XRCC2: variants seen among roughly 807,000 people sequenced by gnomAD.
The protein encoded by XRCC2 is DNA repair protein XRCC2.
A neutral mutation model predicts 27.3 loss-of-function variants in XRCC2; 24 were observed. The ratio of observed to expected loss-of-function variants is 0.88; its 90% CI spans 0.64 to 1.24. The LOEUF (loss-of-function observed/expected upper bound fraction) is 1.24, where lower values mean the gene tolerates loss of function less well. Ranked by LOEUF, XRCC2 falls within the 50% of genes most tolerant of loss-of-function variation. XRCC2 has a pLI of 0.00. For synonymous variants in XRCC2, 106 were observed against 115.4 expected, an observed-to-expected ratio of 0.92 and a Z score of 0.52; for missense variants, 321 against 325.8, an observed-to-expected ratio of 0.99 and a Z score of 0.11.
chr7:152,660,692 A>C lies in XRCC2; in HGVS notation c.121+9T>G. The stretch of plus-strand genomic sequence containing the variant: ...TTGCATTTATTTATATAAAGGTTGT[A>C]TTTTTTACCATGCACAGGTGAATCT... On this transcript the variant is annotated intron_variant, in intron 2 of 2. Transcript: ENST00000359321. The C allele has an allele frequency of 6.2e-7, 1 of 1,601,634 alleles. No homozygotes were observed. Among genetic ancestry groups the C allele is most frequent in the East Asian group, 2.2e-5 (1 of 44,782 alleles).
Position 152,645,596 on chromosome 7 carries a change from GC to G in XRCC2, c.*3045del, listed in dbSNP as rs1204244241. The G allele has an allele frequency of 1.3e-5, 2 of 151,836 alleles. No individual in the cohort carries two copies. Among genetic ancestry groups the G allele is most frequent in the East Asian group, 3.9e-4 (2 of 5,186 alleles). 9.4% of individuals were successfully genotyped at this position (151,836 alleles called of 1,614,324 possible). A position where few individuals can be genotyped will look rare whatever the true frequency, so the allele number is the denominator to read the frequency against. On this transcript the variant is annotated 3_prime_UTR_variant, in exon 3 of 3. Coordinates refer to ENST00000359321, the MANE Select transcript of XRCC2 (RefSeq NM_005431.2). Reference sequence around the variant, plus strand: ...TTTCTTCCATATGCCTTTTTTTCATGCTTTTTCATTTTCCTTGCTTTACTGT... The same window carrying G: ...TTTCTTCCATATGCCTTTTTTTCATGTTTTTCATTTTCCTTGCTTTACTGT...
chr7:152,654,356 G>C (rs924210400), intron 2 of XRCC2, among the ~76,000 whole-genome samples: 5 of 152,106 alleles, frequency 3.3e-5, no homozygotes, highest in Non-Finnish European at 7.3e-5. Context: ...AAATTTTTGA[G>C]ATATATCCAC....
Position 152,648,459 on chromosome 7 carries a change from G to T in XRCC2, c.*183C>A. 1 of 485,596 alleles carries T rather than the reference G, an allele frequency of 2.1e-6. No homozygotes were observed. Among genetic ancestry groups the T allele is most frequent in the African/African-American group, 2.0e-5 (1 of 49,670 alleles). 30.1% of individuals were successfully genotyped at this position (485,596 alleles called of 1,614,324 possible). A position where few individuals can be genotyped will look rare whatever the true frequency, so the allele number is the denominator to read the frequency against. ...CTTTTGGCCACGAGCAGTGGCTCAC[G>T]CCTGTAATCCCTGCACTCTAGGAGG... On this transcript the variant is annotated 3_prime_UTR_variant, in exon 3 of 3. Transcript: ENST00000359321.
At position 152,665,487 on chromosome 7, in the gene XRCC2, CTTTT is replaced by C. The variant is rs66692067; in HGVS notation, c.40-4709_40-4706del. ...ATTTCACTCCAACTGTAAGACAAAC[CTTTT>C]TTTTTTTTTTTTTTTTTTTAGACAG... On this transcript the variant is annotated intron_variant, in intron 1 of 2. Coordinates refer to ENST00000359321, the MANE Select transcript of XRCC2 (RefSeq NM_005431.2). 4.2e-4 allele frequency among the ~76,000 whole-genome samples: 35 copies of C among 84,336 alleles called. 1 individual carries two copies. Among genetic ancestry groups the C allele is most frequent in the Admixed American group, 3.1e-3 (20 of 6,488 alleles). The allele number at this position is 84,336 out of a possible 152,430, so 55.3% of individuals were successfully genotyped here. A position where few individuals can be genotyped will look rare whatever the true frequency, so the allele number is the denominator to read the frequency against.
intron 1 of XRCC2, among the ~76,000 whole-genome samples, chr7:152,669,737 G>A (rs1181647157): frequency 1.3e-5 from 2 of 151,720 alleles, no homozygotes; most frequent in African/African-American, 4.8e-5. Flanking sequence ...AGTCAAGTAT[G>A]TTCCAGGAAC....
chr7:152,651,416 C>G (rs191511267), intron 2 of XRCC2, among the ~76,000 whole-genome samples: 36 of 117,762 alleles, frequency 3.1e-4, no homozygotes, highest in African/African-American at 1.1e-3. Context: ...AGTGAGACCC[C>G]AACTCTACAA....
intron 2 of XRCC2, among the ~76,000 whole-genome samples, 170 bp from the exon 3 acceptor site, chr7:152,649,533 T>G (rs3218535): frequency 6.6e-6 from 1 of 152,104 alleles, no homozygotes; most frequent in Non-Finnish European, 1.5e-5. Flanking sequence ...ATAAGGAAAT[T>G]AGAGCCTGGT....
chr7:152,665,455 G>A (rs1333928334), intron 1 of XRCC2, among the ~76,000 whole-genome samples: 2 of 140,862 alleles, frequency 1.4e-5, no homozygotes, highest in African/African-American at 5.2e-5. Context: ...TCATTCCTGG[G>A]TAAAAGATTT....
chr7:152,656,764 T>C (rs778537040), intron 2 of XRCC2, among the ~76,000 whole-genome samples: 2 of 152,302 alleles, frequency 1.3e-5, no homozygotes, highest in South Asian at 2.1e-4. Context: ...GACCATTCTG[T>C]TTTTTGTCTT....
At chr7:152,665,885 G>T (rs560554804) in intron 1 of XRCC2, among the ~76,000 whole-genome samples, 1 of 152,254 alleles carries the variant, frequency 6.6e-6, no homozygotes, top group African/African-American at 2.4e-5. Context: ...ATAATTCTGT[G>T]AAAAGGTCTT....
intron 2 of XRCC2, among the ~76,000 whole-genome samples, chr7:152,651,713 C>T (rs969688325): frequency 2.6e-5 from 4 of 151,742 alleles, no homozygotes; most frequent in African/African-American, 2.4e-5. Flanking sequence ...TGGGTTCCAC[C>T]ATGTTGCCCA....
In XRCC2 at chr7:152,648,509, C is replaced by G. The variant is rs1396651308; in HGVS notation, c.*133G>C. On this transcript the variant is annotated 3_prime_UTR_variant, in exon 3 of 3. Coordinates refer to ENST00000359321, the MANE Select transcript of XRCC2 (RefSeq NM_005431.2). ...GCACACATAGGAGGATCCCTTGAGG[C>G]CAGGAGTTCAAGGCTGCAGTGAGCC... The G allele has an allele frequency of 3.1e-6, 3 of 970,512 alleles. No individual in the cohort carries two copies. The African/African-American group carries it at 5.0e-5, about 16-fold the overall frequency. The allele number at this position is 970,512 out of a possible 1,614,324, so 60.1% of individuals were successfully genotyped here. A position where few individuals can be genotyped will look rare whatever the true frequency, so the allele number is the denominator to read the frequency against.
chr7:152,674,674 C>A (rs1289249156), intron 1 of XRCC2, among the ~76,000 whole-genome samples: 9 of 3,444 alleles, frequency 2.6e-3, no homozygotes, highest in African/African-American at 0.01. Context: ...TCTATATAAT[C>A]TATATTATAA....
chr7:152,658,806 C>T (rs2098031818), intron 2 of XRCC2, among the ~76,000 whole-genome samples: 1 of 152,356 alleles, frequency 6.6e-6, no homozygotes, highest in Non-Finnish European at 1.5e-5. Flanking sequence ...GTATATATCA[C>T]ATTTTGTATA....
At chr7:152,659,951 TAACA>T (rs3218478) in intron 2 of XRCC2, among the ~76,000 whole-genome samples, 10,532 of 152,216 alleles carry the variant, frequency 0.069, 429 homozygotes, top group Middle Eastern at 0.11. Context: ...ATGAAATATT[TAACA>T]AAGAATGAAC....
chr7:152,659,570 G>A (rs2098032178), intron 2 of XRCC2, among the ~76,000 whole-genome samples: 1 of 152,164 alleles, frequency 6.6e-6, no homozygotes, highest in South Asian at 2.1e-4. Flanking sequence ...CATTGGCCGT[G>A]AGGACAATGT....
intron 1 of XRCC2, among the ~76,000 whole-genome samples, chr7:152,668,235 C>T (rs3218418): frequency 0.06 from 9,102 of 151,992 alleles, 568 homozygotes; most frequent in Admixed American, 0.19. Flanking sequence ...CTGTTCTGTC[C>T]CACGTGGGAC....
intron 1 of XRCC2, among the ~76,000 whole-genome samples, chr7:152,664,713 A>G (rs1247281325): frequency 1.3e-5 from 2 of 152,056 alleles, no homozygotes; most frequent in African/African-American, 2.4e-5. Context: ...CTCCATCATC[A>G]CGCTATTAGA....
At position 152,676,111 on chromosome 7, in the gene XRCC2, A is replaced by C; in HGVS notation, c.-32T>G. 6.2e-7 allele frequency: 1 copy of C among 1,613,490 alleles called. No individual in the cohort carries two copies. The highest frequency in any genetic ancestry group is 8.5e-7 in the Non-Finnish European group (1 of 1,179,736). Reference sequence around the variant, plus strand: ...GAAGGCTCGGCGCAGGAGAGACTCAACTTTCCCGCCACCAACGCCATTCAC... The same window carrying C: ...GAAGGCTCGGCGCAGGAGAGACTCACCTTTCCCGCCACCAACGCCATTCAC... On this transcript the variant is annotated 5_prime_UTR_variant, in exon 1 of 3. Coordinates refer to ENST00000359321, the MANE Select transcript of XRCC2 (RefSeq NM_005431.2).
Sources: gnomAD v4.1 joint callset for allele counts (sites outside exome capture counted in the v4.1 genomes callset) on GRCh38, gnomAD v4.1.1 for gene constraint, MANE v1.5 for transcripts, NCBI Gene and HGNC (gene_info 2026-07-23, HGNC 2026-07-21) for gene names.